ITGB3BP: variants seen among roughly 807,000 people sequenced by gnomAD.
The protein encoded by ITGB3BP is centromere protein R.
In ITGB3BP, 27 loss-of-function variants were observed where a neutral mutation model predicts 29.1. The observed-to-expected ratio is 0.93, with a 90% CI of 0.68 to 1.28. ITGB3BP has a LOEUF of 1.28. Among genes scored for constraint, ITGB3BP ranks in the 50% most tolerant of loss-of-function variants. The pLI is 0.00. For synonymous variants in ITGB3BP, 61 were observed against 61.4 expected, an observed-to-expected ratio of 0.99 and a Z score of 0.03; for missense variants, 192 against 200.2, an observed-to-expected ratio of 0.96 and a Z score of 0.25.
At chr1:63,486,821 G>T (rs1027291285) in intron 3 of ITGB3BP, among the ~76,000 whole-genome samples, 3 of 151,878 alleles carry the variant, frequency 2.0e-5, no homozygotes, top group Non-Finnish European at 2.9e-5. Flanking sequence ...ATTTTTTACT[G>T]CAATACACAA....
At chr1:63,488,708 T>C (rs1340825500) in intron 3 of ITGB3BP, among the ~76,000 whole-genome samples, 3 of 152,046 alleles carry the variant, frequency 2.0e-5, no homozygotes, top group Non-Finnish European at 4.4e-5. Context: ...ATGTGAGATA[T>C]ATATATTACA....
chr1:63,511,128 A>G (rs1336757134), intron 1 of ITGB3BP, among the ~76,000 whole-genome samples: 1 of 152,156 alleles, frequency 6.6e-6, no homozygotes, highest in African/African-American at 2.4e-5. Flanking sequence ...TTGAATATAC[A>G]CTTCTCCAAA....
In ITGB3BP at chr1:63,453,951, GTT is replaced by G; in HGVS notation, c.449_450del (p.Lys150ThrfsTer3). On this transcript the variant is annotated frameshift_variant, in exon 7 of 9. Transcript: ENST00000271002. LOFTEE classifies it high-confidence loss of function. ...KELMTKVNKQ[K>X]LFEKSTGLPH... Reference sequence around the variant, plus strand: ...GGAAGTCCTGTACTCTTTTCAAACAGTTTTTGTTTATTCACTTTTGTCACTAA... The same window carrying G: ...GGAAGTCCTGTACTCTTTTCAAACAGTTTGTTTATTCACTTTTGTCACTAA... The G allele has an allele frequency of 6.3e-7, 1 of 1,578,618 alleles. No individual in the cohort carries two copies. The highest frequency in any genetic ancestry group is 8.7e-7 in the Non-Finnish European group (1 of 1,155,472).
At chr1:63,468,924 G>T (rs1167832577) in intron 4 of ITGB3BP, among the ~76,000 whole-genome samples, 1 of 151,790 alleles carries the variant, frequency 6.6e-6, no homozygotes, top group East Asian at 1.9e-4. Context: ...GGTGGTGTGT[G>T]CTTGTAGTCC....
Position 63,442,232 on chromosome 1 carries a change from A to C in ITGB3BP, c.*2-1129T>G, listed in dbSNP as rs376670597. 2.6e-5 allele frequency among the ~76,000 whole-genome samples: 4 copies of C among 151,984 alleles called. No homozygotes were observed. In the East Asian group the frequency reaches 7.7e-4, roughly 29 times the overall value. On this transcript the variant is annotated intron_variant, in intron 8 of 8. Coordinates refer to ENST00000271002, the MANE Select transcript of ITGB3BP (RefSeq NM_014288.5). ...TCTGAAGGGGAAGAAACTTCTGTCAACTCTTCCTCTGTACTCCATGGAAGT... is the reference window on the plus strand; with the variant it reads ...TCTGAAGGGGAAGAAACTTCTGTCACCTCTTCCTCTGTACTCCATGGAAGT...
At chr1:63,496,065 T>C (rs932963652) in intron 2 of ITGB3BP, among the ~76,000 whole-genome samples, 1 of 151,774 alleles carries the variant, frequency 6.6e-6, no homozygotes, top group Non-Finnish European at 1.5e-5. Flanking sequence ...ACTCCTAAGC[T>C]TACTCCTACT....
intron 1 of ITGB3BP, among the ~76,000 whole-genome samples, chr1:63,521,426 T>C (rs1157002390): frequency 9.1e-6 from 1 of 109,914 alleles, no homozygotes; most frequent in Non-Finnish European, 2.0e-5. Flanking sequence ...TAGCTATATA[T>C]GTGAGATGTT....
Position 63,523,069 on chromosome 1 carries a change from ATATCT to A in ITGB3BP, c.5+55_5+59del, listed in dbSNP as rs752301011. The A allele has an allele frequency of 8.8e-6, 14 of 1,599,552 alleles. No homozygotes were observed. In the South Asian group the frequency reaches 1.4e-4, roughly 16 times the overall value. ...ACGAGAAAGGCTACTGGGCCACATA[ATATCT>A]TCTCTTCTTGCAGAGGGCCCCCAAA... On this transcript the variant is annotated intron_variant, in intron 1 of 8. Transcript: ENST00000271002.
chr1:63,465,942 T>A (rs576364548), intron 4 of ITGB3BP, among the ~76,000 whole-genome samples: 1 of 152,270 alleles, frequency 6.6e-6, no homozygotes, highest in South Asian at 2.1e-4. Flanking sequence ...CAATTATGAC[T>A]TTTCTCTGTA....
At chr1:63,490,739 G>A (rs564196910) in intron 2 of ITGB3BP, among the ~76,000 whole-genome samples, 1 of 152,208 alleles carries the variant, frequency 6.6e-6, no homozygotes, top group East Asian at 1.9e-4. Context: ...TTGAGGATTT[G>A]GCCTGTCTTA....
At chr1:63,468,248 A>AC (rs1645133795) in intron 4 of ITGB3BP, among the ~76,000 whole-genome samples, 2 of 152,148 alleles carry the variant, frequency 1.3e-5, no homozygotes, top group South Asian at 4.1e-4. Flanking sequence ...TCAGGTGCCT[A>AC]CCCCTGGACC....
chr1:63,491,471 T>C (rs1372657944), intron 2 of ITGB3BP, among the ~76,000 whole-genome samples: 2 of 152,140 alleles, frequency 1.3e-5, no homozygotes, highest in Non-Finnish European at 2.9e-5. Context: ...CAGCATAGGA[T>C]GGATCTGGGG....
intron 2 of ITGB3BP, among the ~76,000 whole-genome samples, chr1:63,490,900 G>T (rs778229064): frequency 1.3e-5 from 2 of 152,048 alleles, no homozygotes; most frequent in Non-Finnish European, 2.9e-5. Context: ...ATATCCTAGA[G>T]AACTAAAAAA....
intron 2 of ITGB3BP, among the ~76,000 whole-genome samples, chr1:63,493,377 C>T (rs757123888): frequency 5.9e-5 from 9 of 151,910 alleles, no homozygotes; most frequent in Non-Finnish European, 8.8e-5. Context: ...ATCACGCCAC[C>T]GCACTCTAGC....
At chr1:63,447,279 G>C (rs892542901) in intron 7 of ITGB3BP, among the ~76,000 whole-genome samples, 6 of 152,124 alleles carry the variant, frequency 3.9e-5, no homozygotes, top group African/African-American at 1.4e-4. Flanking sequence ...TAAGAAAATA[G>C]CAATTTATAA....
chr1:63,451,303 C>T (rs1167322641), intron 7 of ITGB3BP, among the ~76,000 whole-genome samples: 1 of 151,772 alleles, frequency 6.6e-6, no homozygotes, highest in Non-Finnish European at 1.5e-5. Context: ...TCATAATTAC[C>T]TTAACAAATC....
Position 63,447,740 on chromosome 1 carries a change from A to C in ITGB3BP, c.485-884T>G, listed in dbSNP as rs532074944. Reference sequence around the variant, plus strand: ...TTTTACACTGTTGGTGGGACTGTAAACTAGTTCAACCATTGTGGAAGTCAG... The same window carrying C: ...TTTTACACTGTTGGTGGGACTGTAACCTAGTTCAACCATTGTGGAAGTCAG... On this transcript the variant is annotated intron_variant, in intron 7 of 8. Transcript: ENST00000271002. The C allele has an allele frequency of 1.9e-5, 8 of 417,382 alleles. No individual in the cohort carries two copies. In the East Asian group the frequency reaches 5.7e-4, roughly 30 times the overall value. The allele number at this position is 417,382 out of a possible 1,614,324, so 25.9% of individuals were successfully genotyped here. A position where few individuals can be genotyped will look rare whatever the true frequency, so the allele number is the denominator to read the frequency against.
At chr1:63,510,051 G>A (rs1210643545) in intron 1 of ITGB3BP, 3 of 586,780 alleles carry the variant, frequency 5.1e-6, no homozygotes, top group Non-Finnish European at 9.4e-6. Context: ...TTAGCCTAGC[G>A]TGGTGGTGCG....
intron 4 of ITGB3BP, among the ~76,000 whole-genome samples, chr1:63,468,911 C>T (rs960485551): frequency 4.5e-5 from 6 of 134,488 alleles, no homozygotes; most frequent in South Asian, 2.4e-4. Flanking sequence ...ATAAGGTGGG[C>T]GTGGTGGTGT....
Sources: allele counts gnomAD v4.1 joint callset (sites outside exome capture counted in the v4.1 genomes callset), GRCh38; gene constraint gnomAD v4.1.1; transcripts MANE v1.5; gene names NCBI Gene and HGNC (gene_info 2026-07-23, HGNC 2026-07-21).